Variants in ANKRD46 observed in about 807,000 individuals in gnomAD.
ANKRD46 encodes ankyrin repeat domain-containing protein 46.
In ANKRD46, 13 loss-of-function variants were observed where a neutral mutation model predicts 19.8. The observed-to-expected ratio is 0.66, with a 90% CI of 0.43 to 1.04. ANKRD46 has a LOEUF of 1.04. Ranked by LOEUF, ANKRD46 falls within the 50% of genes least tolerant of loss-of-function variation. The pLI is 0.00. For synonymous variants in ANKRD46, 91 were observed against 106.9 expected (o/e 0.85, Z 0.92); for missense variants, 185 against 274.8 (o/e 0.67, Z 2.31).
chr8:100,512,802 CTT>C (rs1199575019), intron 5 of ANKRD46, among the ~76,000 whole-genome samples: 1 of 152,236 alleles, frequency 6.6e-6, no homozygotes, highest in Non-Finnish European at 1.5e-5. Context: ...AAATCATCCT[CTT>C]GAGTGTCACA....
At chr8:100,535,069 C>T (rs62515187) in intron 1 of ANKRD46, among the ~76,000 whole-genome samples, 7,660 of 152,260 alleles carry the variant, frequency 0.05, 298 homozygotes, top group Non-Finnish European at 0.074. Context: ...AACCAGCCTG[C>T]CATTTTCTTT....
Position 100,521,306 on chromosome 8 carries a change from A to G in ANKRD46, c.*1249T>C. 4.1e-6 allele frequency: 4 copies of G among 985,392 alleles called. No individual in the cohort carries two copies. The highest frequency in any genetic ancestry group is 4.8e-6 in the Non-Finnish European group (4 of 829,922). 61.0% of individuals were successfully genotyped at this position (985,392 alleles called of 1,614,324 possible). On this transcript the variant is annotated 3_prime_UTR_variant, in exon 5 of 5. Coordinates refer to ENST00000335659, the MANE Select transcript of ANKRD46 (RefSeq NM_001270377.2). ...TAGGTGCCTTTATTCCAAAAAACAA[A>G]ACCATTAGTTCTTTCACTACAATTT...
At chr8:100,542,525 T>A (rs570497242) in intron 1 of ANKRD46, among the ~76,000 whole-genome samples, 1 of 152,206 alleles carries the variant, frequency 6.6e-6, no homozygotes, top group Non-Finnish European at 1.5e-5. Flanking sequence ...ATAAATAGTC[T>A]TATATCTAAG....
chr8:100,529,400 T>C lies in ANKRD46; in HGVS notation c.311+123A>G, dbSNP rs1346062332. The C allele has an allele frequency of 9.5e-7, 1 of 1,055,722 alleles. No individual in the cohort carries two copies. The highest frequency in any genetic ancestry group is 1.3e-6 in the Non-Finnish European group (1 of 746,884). 65.4% of individuals were successfully genotyped at this position (1,055,722 alleles called of 1,614,324 possible). A position where few individuals can be genotyped will look rare whatever the true frequency, so the allele number is the denominator to read the frequency against. ...CCTAACAGGATTACACTGTCTTCAA[T>C]GCTTTCTGAACTTATTTCAACTGAT... On this transcript the variant is annotated intron_variant, in intron 3 of 4. Transcript: ENST00000335659. The surrounding 1 kb of genome is among the most constrained non-coding windows in gnomAD (Gnocchi z 5.8).
chr8:100,529,502 C>A lies in ANKRD46; in HGVS notation c.311+21G>T. 6.3e-7 allele frequency: 1 copy of A among 1,596,388 alleles called. No individual in the cohort carries two copies. Among genetic ancestry groups the A allele is most frequent in the Non-Finnish European group, 8.6e-7 (1 of 1,168,956 alleles). ...TTAATGGGAAGAAATGACTAGACTT[C>A]TAAAACAACAGAGAACTTACCAAAT... On this transcript the variant is annotated intron_variant, in intron 3 of 4. Coordinates refer to ENST00000335659, the MANE Select transcript of ANKRD46 (RefSeq NM_001270377.2). This position sits in a 1 kb window ranked among gnomAD's most constrained non-coding sequence, Gnocchi z 5.8.
intron 4 of ANKRD46, among the ~76,000 whole-genome samples, chr8:100,526,827 G>A (rs1196827364): frequency 6.6e-6 from 1 of 152,128 alleles, no homozygotes; most frequent in Non-Finnish European, 1.5e-5. Context: ...CAGAAACAAT[G>A]ATCCCAATGG....
In ANKRD46 at chr8:100,529,881, G is replaced by T; in HGVS notation, c.-27-21C>A. 6.5e-7 allele frequency: 1 copy of T among 1,549,826 alleles called. No homozygotes were observed. Among genetic ancestry groups the T allele is most frequent in the South Asian group, 1.2e-5 (1 of 84,476 alleles). On this transcript the variant is annotated intron_variant, in intron 2 of 4. Transcript: ENST00000335659. This position sits in a 1 kb window ranked among gnomAD's most constrained non-coding sequence, Gnocchi z 5.8. The stretch of plus-strand genomic sequence containing the variant: ...CACGCCTGTAATGAAATAGGTGAGT[G>T]AGATTCCATGAAGACAAATGAAATC...
intron 1 of ANKRD46, chr8:100,551,511 T>A: frequency 1.2e-6 from 1 of 805,772 alleles, no homozygotes; most frequent in Non-Finnish European, 2.1e-6. Context: ...TTTCCATTGA[T>A]GACAAGCTTC....
chr8:100,552,824 T>C (rs1176917475), intron 1 of ANKRD46, among the ~76,000 whole-genome samples: 1 of 152,238 alleles, frequency 6.6e-6, no homozygotes, highest in African/African-American at 2.4e-5. Context: ...CTATTACGGG[T>C]ATCAATAAAG....
intron 4 of ANKRD46, among the ~76,000 whole-genome samples, chr8:100,523,163 A>AT (rs11436035): frequency 0.76 from 114,097 of 150,030 alleles, 43,780 homozygotes; most frequent in Middle Eastern, 0.85. Context: ...CACCATCTCT[A>AT]TTTTTTTTTA....
rs545819996 is a variant in ANKRD46 at position 100,533,621 on chromosome 8, C to T, written c.-130-310G>A. Among the ~76,000 whole-genome samples the T allele has an allele frequency of 2.6e-5, 4 of 152,288 alleles. No individual in the cohort carries two copies. In the South Asian group the frequency reaches 8.3e-4, roughly 32 times the overall value. On this transcript the variant is annotated intron_variant, in intron 1 of 4. Coordinates refer to ENST00000335659, the MANE Select transcript of ANKRD46 (RefSeq NM_001270377.2). ...TGGGCTCCGAAAATTCACTCTCAGT[C>T]ATTACTTGGAATTCAGAATGCATAT...
intron 1 of ANKRD46, among the ~76,000 whole-genome samples, chr8:100,549,059 A>G (rs1586801136): frequency 6.6e-6 from 1 of 151,944 alleles, no homozygotes; most frequent in African/African-American, 2.4e-5. Context: ...TGAAAAAAAA[A>G]AGTAATTTGG....
In ANKRD46 at chr8:100,524,211, T is replaced by C. The variant is rs1172281254; in HGVS notation, c.471-1440A>G. 2.6e-5 allele frequency among the ~76,000 whole-genome samples: 4 copies of C among 152,078 alleles called. No individual in the cohort carries two copies. The highest frequency in any genetic ancestry group is 1.9e-4 in the East Asian group (1 of 5,200). Reference sequence around the variant, plus strand: ...GTTATATCACAACATACAGGCCCAATAAGAGGGTATCATTTAGATTAAAGC... The same window carrying C: ...GTTATATCACAACATACAGGCCCAACAAGAGGGTATCATTTAGATTAAAGC... On this transcript the variant is annotated intron_variant, in intron 4 of 4. Transcript: ENST00000335659. This position sits in a 1 kb window ranked among gnomAD's most constrained non-coding sequence, Gnocchi z 4.3.
In ANKRD46 at chr8:100,524,467, T is replaced by C. The variant is rs1811799236; in HGVS notation, c.471-1696A>G. Reference sequence around the variant, plus strand: ...GAGGTCTTCTCTGATCATGGGAAACTGACTTCCTAATGGGCCAGTCTGCTT... The same window carrying C: ...GAGGTCTTCTCTGATCATGGGAAACCGACTTCCTAATGGGCCAGTCTGCTT... On this transcript the variant is annotated intron_variant, in intron 4 of 4. Coordinates refer to ENST00000335659, the MANE Select transcript of ANKRD46 (RefSeq NM_001270377.2). The surrounding 1 kb of genome is among the most constrained non-coding windows in gnomAD (Gnocchi z 4.3). Among the ~76,000 whole-genome samples the C allele has an allele frequency of 6.6e-6, 1 of 151,976 alleles. No individual in the cohort carries two copies. The highest frequency in any genetic ancestry group is 2.4e-5 in the African/African-American group (1 of 41,344).
intron 1 of ANKRD46, among the ~76,000 whole-genome samples, chr8:100,555,931 A>G (rs192089912): frequency 1.2e-4 from 19 of 152,284 alleles, no homozygotes; most frequent in Non-Finnish European, 1.5e-4. Flanking sequence ...AGGATGGTGT[A>G]AATCTGGTAT....
chr8:100,550,069 A>G lies in ANKRD46; in HGVS notation c.-131+9642T>C, dbSNP rs1262894017. On this transcript the variant is annotated intron_variant, in intron 1 of 4. Transcript: ENST00000335659. This position sits in a 1 kb window ranked among gnomAD's most constrained non-coding sequence, Gnocchi z 4.4. ...TGTATTACAGTTTATCTGTTCACCT[A>G]CTGAAGGACATCTTGGTTGCTTCCA... is the stretch of plus-strand genomic sequence containing the variant. 6.6e-6 allele frequency among the ~76,000 whole-genome samples: 1 copy of G among 152,192 alleles called. No homozygotes were observed. The highest frequency in any genetic ancestry group is 1.5e-5 in the Non-Finnish European group (1 of 68,036).
chr8:100,529,885 T>G lies in ANKRD46; in HGVS notation c.-27-25A>C, dbSNP rs1427476692. 7.1e-6 allele frequency: 11 copies of G among 1,547,066 alleles called. No individual in the cohort carries two copies. Among genetic ancestry groups the G allele is most frequent in the Non-Finnish European group, 9.7e-6 (11 of 1,134,450 alleles). On this transcript the variant is annotated intron_variant, in intron 2 of 4. Transcript: ENST00000335659. This position sits in a 1 kb window ranked among gnomAD's most constrained non-coding sequence, Gnocchi z 5.8. The stretch of plus-strand genomic sequence containing the variant: ...CCTGTAATGAAATAGGTGAGTGAGA[T>G]TCCATGAAGACAAATGAAATCAAGA...
At position 100,557,289 on chromosome 8, in the gene ANKRD46, A is replaced by G. The variant is rs769573476; in HGVS notation, c.-131+2422T>C. ...TACACTGTTTAACTAAAGCCTTCCA[A>G]TAGCTCAGGCCAAAGGCCACAGGGT... is the stretch of plus-strand genomic sequence containing the variant. On this transcript the variant is annotated intron_variant, in intron 1 of 4. Transcript: ENST00000335659. This position sits in a 1 kb window ranked among gnomAD's most constrained non-coding sequence, Gnocchi z 5.9. Among the ~76,000 whole-genome samples, 2 of 152,192 alleles carry G rather than the reference A, an allele frequency of 1.3e-5. No homozygotes were observed. Among genetic ancestry groups the G allele is most frequent in the Non-Finnish European group, 2.9e-5 (2 of 68,028 alleles).
rs4570128 is a variant in ANKRD46, at chr8:100,511,349, C to A, written c.637-710G>T. 1.3e-5 allele frequency among the ~76,000 whole-genome samples: 2 copies of A among 152,154 alleles called. No homozygotes were observed. The highest frequency in any genetic ancestry group is 4.2e-4 in the South Asian group (2 of 4,816). ...TGCTCACCACCACACTCTTCTGCCT[C>A]CCAGTCACAAAAGAGTGGGTGTTTA... On this transcript the variant is annotated intron_variant, in intron 5 of 5. Transcript: ENST00000520552. The surrounding 1 kb of genome is among the most constrained non-coding windows in gnomAD (Gnocchi z 4.1).
Sources: gnomAD v4.1 joint callset for allele counts (sites outside exome capture counted in the v4.1 genomes callset) on GRCh38, gnomAD v4.1.1 for gene constraint, Gnocchi (gnomAD v3.1) non-coding constraint, MANE v1.5 for transcripts, NCBI Gene and HGNC (gene_info 2026-07-23, HGNC 2026-07-21) for gene names.